The following RTN4 variants were observed in gnomAD, a reference collection of about 807,000 sequenced individuals.
RTN4 encodes reticulon-4.
In RTN4, 32 loss-of-function variants were observed where a neutral mutation model predicts 90.4. The observed-to-expected ratio is 0.35, with a 90% confidence interval of 0.27 to 0.48. The LOEUF is 0.48. Ranked by LOEUF, RTN4 falls within the 20% of genes least tolerant of loss-of-function variation. The pLI is 0.99. For missense variants in RTN4, 1,706 were observed against 1,430.2 expected (o/e 1.19, Z -3.11); for synonymous variants, 629 against 552.5 (o/e 1.14, Z -1.94).
At chr2:55,022,700 C>T (rs1681528835) in intron 3 of RTN4, among the ~76,000 whole-genome samples, 1 of 152,108 alleles carries the variant, frequency 6.6e-6, no homozygotes, top group South Asian at 2.1e-4. Context: ...CCTCTCCACC[C>T]CTAGTCCTGC....
At chr2:55,072,261 G>A (rs986343468) in intron 2 of RTN4, among the ~76,000 whole-genome samples, 8 of 147,822 alleles carry the variant, frequency 5.4e-5, no homozygotes, top group South Asian at 2.1e-4. Context: ...GCAGAGCCTC[G>A]TTCTGTCTCC....
intron 1 of RTN4, among the ~76,000 whole-genome samples, chr2:55,084,546 C>T (rs1057160946): frequency 6.6e-6 from 1 of 152,110 alleles, no homozygotes; most frequent in Non-Finnish European, 1.5e-5. Context: ...TCATGGGAAC[C>T]TCTGATTTGT....
At chr2:54,995,258 TA>T (rs955811384) in intron 3 of RTN4, among the ~76,000 whole-genome samples, 1 of 151,382 alleles carries the variant, frequency 6.6e-6, no homozygotes, top group African/African-American at 2.4e-5. Flanking sequence ...AAAAAAAATC[TA>T]AATAAAGACT....
chr2:55,059,360 C>G (rs1251015308), intron 2 of RTN4, among the ~76,000 whole-genome samples: 1 of 150,626 alleles, frequency 6.6e-6, no homozygotes, highest in Non-Finnish European at 1.5e-5. Context: ...TTAATTAATA[C>G]TTTTTTTATT....
At chr2:55,027,938 C>A (rs543076529) in intron 2 of RTN4, among the ~76,000 whole-genome samples, 8 of 152,128 alleles carry the variant, frequency 5.3e-5, no homozygotes, top group African/African-American at 9.7e-5. Context: ...AAATGTAATT[C>A]AAGGGTCCAA....
intron 3 of RTN4, among the ~76,000 whole-genome samples, chr2:54,996,699 GA>G (rs1679454936): frequency 6.6e-6 from 1 of 152,192 alleles, no homozygotes; most frequent in Non-Finnish European, 1.5e-5. Context: ...CATAACGGCC[GA>G]AAGACTCAAA....
At chr2:55,110,768 C>T (rs531307769) in intron 1 of RTN4, among the ~76,000 whole-genome samples, 1 of 152,300 alleles carries the variant, frequency 6.6e-6, no homozygotes, top group South Asian at 2.1e-4. Context: ...AGGCCAGGCA[C>T]GGTAGCTCAT....
chr2:55,116,089 G>GCCTTT (rs1409371829), upstream of RTN4, among the ~76,000 whole-genome samples: 37 of 81,270 alleles, frequency 4.6e-4, no homozygotes, highest in Non-Finnish European at 6.4e-4. Flanking sequence ...ATGGGGACTA[G>GCCTTT]TCTTTTTTTT....
At chr2:55,092,871 A>G (rs1375480868) in intron 1 of RTN4, among the ~76,000 whole-genome samples, 1 of 152,260 alleles carries the variant, frequency 6.6e-6, no homozygotes, top group Admixed American at 6.5e-5. Flanking sequence ...TTATTCTTTC[A>G]AAGTAGCCAG....
intron 1 of RTN4, among the ~76,000 whole-genome samples, chr2:55,096,397 G>A (rs968015418): frequency 4.6e-5 from 7 of 151,422 alleles, no homozygotes; most frequent in Non-Finnish European, 1.0e-4. Flanking sequence ...TCTCTTGGCT[G>A]AGCTTCCAAG....
chr2:55,049,681 G>T, intron 1 of RTN4, 64 bp downstream of exon 1: 1 of 1,481,878 alleles, frequency 6.7e-7, no homozygotes, highest in Non-Finnish European at 9.0e-7. Context: ...AAAGCATCTG[G>T]GGCTGCACAC....
chr2:55,104,742 A>T (rs1022537035), intron 1 of RTN4, among the ~76,000 whole-genome samples: 43 of 152,092 alleles, frequency 2.8e-4, no homozygotes, highest in Admixed American at 1.2e-3. Flanking sequence ...TAATTTTTTT[A>T]AAAAAAGAAA....
chr2:54,973,888 C>G (rs1194725406), intron 6 of RTN4, 21 bp from the exon 7 acceptor site: 4 of 1,603,990 alleles, frequency 2.5e-6, no homozygotes, highest in Non-Finnish European at 3.4e-6. Context: ...AAATATACAA[C>G]TTTTCAAAAA....
chr2:54,992,381 G>A (rs1243518093), intron 3 of RTN4, among the ~76,000 whole-genome samples: 1 of 152,142 alleles, frequency 6.6e-6, no homozygotes, highest in Admixed American at 6.5e-5. Flanking sequence ...TAACAAATGG[G>A]CAAAGTGTAG....
intron 3 of RTN4, among the ~76,000 whole-genome samples, chr2:55,011,257 G>A (rs1468682963): frequency 2.0e-5 from 3 of 151,918 alleles, no homozygotes; most frequent in Non-Finnish European, 2.9e-5. Context: ...AAACTCCTGG[G>A]CTCAAGCAAT....
In RTN4 at chr2:55,026,063, T is replaced by C; in HGVS notation, c.2036A>G (p.Glu679Gly). Reference protein sequence around the residue: ...KVSGIKEEIKEPENINAALQE... With the variant: ...KVSGIKEEIKGPENINAALQE... ...AAGAGCTGCATTAATATTTTCAGGC[T>C]CTTTAATTTCTTCCTTTATTCCTGA... The change falls in exon 3 of 9, where the codon GAG becomes GGG. Residue 679 changes from glutamate to glycine, a missense_variant. By Grantham distance (98) the Glu-to-Gly change is moderately conservative. Coordinates refer to ENST00000337526, the MANE Select transcript of RTN4 (RefSeq NM_020532.5). 1 of 1,610,350 alleles carries C rather than the reference T, an allele frequency of 6.2e-7. No homozygotes were observed. Among genetic ancestry groups the C allele is most frequent in the Non-Finnish European group, 8.5e-7 (1 of 1,179,110 alleles).
chr2:55,114,258 C>G (rs1388478472), upstream of RTN4, among the ~76,000 whole-genome samples: 2 of 152,066 alleles, frequency 1.3e-5, no homozygotes, highest in Admixed American at 1.3e-4. Context: ...TGGTTTGTTC[C>G]ACCTCTCTCT....
intron 2 of RTN4, among the ~76,000 whole-genome samples, chr2:55,078,393 C>G (rs777965329): frequency 6.6e-6 from 1 of 152,162 alleles, no homozygotes; most frequent in Non-Finnish European, 1.5e-5. Context: ...CATGTGCCAA[C>G]ATGCCCAGCC....
intron 1 of RTN4, among the ~76,000 whole-genome samples, chr2:55,095,174 T>A (rs1444559381): frequency 6.6e-6 from 1 of 151,858 alleles, no homozygotes; most frequent in Non-Finnish European, 1.5e-5. Flanking sequence ...AATACAAAAA[T>A]CAGCTGGGCA....
Sources: gnomAD v4.1 joint callset for allele counts (sites outside exome capture counted in the v4.1 genomes callset) on GRCh38, gnomAD v4.1.1 for gene constraint, MANE v1.5 for transcripts, NCBI Gene and HGNC (gene_info 2026-07-23, HGNC 2026-07-21) for gene names.